Variants in TCF20 observed in about 807,000 individuals in gnomAD.
TCF20 encodes the protein transcription factor 20, also known as SPRE-binding protein.
TCF20 carries 3 observed loss-of-function variants against 148.6 expected under a neutral mutation model. The observed-to-expected ratio is 0.02, with a 90% CI of 0.01 to 0.05. The LOEUF is 0.05. TCF20 is among the 10% of genes least tolerant of loss of function. The pLI is 1.00. For missense variants in TCF20, 2,350 were observed against 2,429.3 expected, an observed-to-expected ratio of 0.97 and a Z score of 0.69; for synonymous variants, 1,049 against 909.5, an observed-to-expected ratio of 1.15 and a Z score of -2.76.
intron 5 of TCF20, among the ~76,000 whole-genome samples, chr22:42,164,304 T>A (rs908154422): frequency 6.7e-6 from 1 of 148,322 alleles, no homozygotes; most frequent in Admixed American, 6.9e-5. Context: ...AAGCTCCACG[T>A]CCCGGGTTCA....
intron 1 of TCF20, chr22:42,269,866 G>C (rs1926501953): frequency 6.6e-6 from 1 of 152,256 alleles, no homozygotes; most frequent in Non-Finnish European, 1.5e-5. Context: ...CCCACATCCC[G>C]GCCCAGCCCC....
chr22:42,231,861 G>A (rs1031167462), intron 1 of TCF20, among the ~76,000 whole-genome samples: 3 of 147,878 alleles, frequency 2.0e-5, no homozygotes, highest in Non-Finnish European at 4.5e-5. Flanking sequence ...CCCGGGAGGC[G>A]GAGCTTGCAG....
In TCF20 at chr22:42,214,695, C is replaced by T; in HGVS notation, c.611G>A (p.Ser204Asn). 6.2e-7 allele frequency: 1 copy of T among 1,614,132 alleles called. No homozygotes were observed. The highest frequency in any genetic ancestry group is 8.5e-7 in the Non-Finnish European group (1 of 1,180,030). ...LPQATGQPASSSSHLQPMQRP... is the reference protein window; with the variant it reads ...LPQATGQPASNSSHLQPMQRP... ...CTGCATTGGCTGTAGATGGGATGAG[C>T]TGGATGCTGGTTGGCCAGTGGCCTG... Residue 204 changes from serine to asparagine, a missense_variant, in exon 2 of 6, where the codon AGC becomes AAC. Ser to Asn is a conservative substitution (Grantham distance 46). Coordinates refer to ENST00000677622, the MANE Select transcript of TCF20 (RefSeq NM_001378418.1).
In TCF20 at chr22:42,239,990, T is replaced by C. The variant is rs1390827337; in HGVS notation, c.-36-24649A>G. ...ACAATATCTGTGAAGTACAATAAAGTAGAATGCAATAAAATGAGGTATCCC... is the reference window on the plus strand; with the variant it reads ...ACAATATCTGTGAAGTACAATAAAGCAGAATGCAATAAAATGAGGTATCCC... On this transcript the variant is annotated intron_variant, in intron 1 of 5. Coordinates refer to ENST00000677622, the MANE Select transcript of TCF20 (RefSeq NM_001378418.1). Among the ~76,000 whole-genome samples the C allele has an allele frequency of 2.0e-5, 3 of 151,960 alleles. No homozygotes were observed. In the East Asian group the frequency reaches 5.8e-4, roughly 29 times the overall value.
chr22:42,286,894 G>A (rs898661338), upstream of TCF20, among the ~76,000 whole-genome samples: 4 of 152,164 alleles, frequency 2.6e-5, no homozygotes, highest in Non-Finnish European at 5.9e-5. Flanking sequence ...GAGGACGTGT[G>A]CACAATTATT....
chr22:42,268,641 G>C (rs904087974), intron 1 of TCF20, among the ~76,000 whole-genome samples: 3 of 152,184 alleles, frequency 2.0e-5, no homozygotes, highest in African/African-American at 7.2e-5. Flanking sequence ...ACTCCTCTGA[G>C]CCAACATACA....
At chr22:42,178,079 C>T (rs1482078302) in intron 3 of TCF20, among the ~76,000 whole-genome samples, 1 of 152,178 alleles carries the variant, frequency 6.6e-6, no homozygotes, top group East Asian at 1.9e-4. Flanking sequence ...CCGTGAACTA[C>T]TGGATTCAGA....
At chr22:42,269,194 T>G (rs745954234) in intron 1 of TCF20, among the ~76,000 whole-genome samples, 7 of 152,306 alleles carry the variant, frequency 4.6e-5, no homozygotes, top group Non-Finnish European at 1.0e-4. Context: ...TCACTGAGGC[T>G]GTTAACATAA....
At chr22:42,244,952 G>A (rs1013409046) in intron 1 of TCF20, among the ~76,000 whole-genome samples, 2 of 151,970 alleles carry the variant, frequency 1.3e-5, no homozygotes, top group African/African-American at 2.4e-5. Context: ...GCATGGTGGT[G>A]CGCACCTGTA....
intron 1 of TCF20, among the ~76,000 whole-genome samples, chr22:42,303,518 C>G (rs966032529): frequency 6.6e-6 from 1 of 152,248 alleles, no homozygotes; most frequent in Admixed American, 6.5e-5. Context: ...CGTTTTCCAG[C>G]CGAGGGCATG....
intron 2 of TCF20, among the ~76,000 whole-genome samples, chr22:42,202,928 T>TA (rs1938136362): frequency 6.6e-6 from 1 of 152,218 alleles, no homozygotes; most frequent in Admixed American, 6.5e-5. Flanking sequence ...GACAGGAGTT[T>TA]AACTTCACAT....
chr22:42,243,090 T>C (rs1355035420), intron 1 of TCF20, among the ~76,000 whole-genome samples: 1 of 151,712 alleles, frequency 6.6e-6, no homozygotes, highest in African/African-American at 2.4e-5. Flanking sequence ...ACTCCTGGGA[T>C]AGTGAAACAA....
chr22:42,215,397 T>C (rs1180763833), intron 1 of TCF20, 56 bp from the exon 2 acceptor site: 6 of 1,502,512 alleles, frequency 4.0e-6, no homozygotes, highest in Non-Finnish European at 4.4e-6. Context: ...ACAAATAAAA[T>C]CAAGTCTAGA....
chr22:42,180,012 C>A (rs1407914475), intron 2 of TCF20, among the ~76,000 whole-genome samples: 1 of 152,134 alleles, frequency 6.6e-6, no homozygotes, highest in Non-Finnish European at 1.5e-5. Context: ...CTGGTACCCC[C>A]GCCATCCACC....
chr22:42,294,817 A>G (rs1927201457), intron 1 of TCF20, among the ~76,000 whole-genome samples: 1 of 152,230 alleles, frequency 6.6e-6, no homozygotes. Flanking sequence ...CAGCAGGTGC[A>G]GGCGGAGTGC....
intron 1 of TCF20, among the ~76,000 whole-genome samples, chr22:42,342,779 T>G (rs1401547589): frequency 6.6e-6 from 1 of 152,192 alleles, no homozygotes; most frequent in East Asian, 1.9e-4. Context: ...CCCTGGACCC[T>G]CCCCATTTCC....
At chr22:42,318,458 G>A (rs964350634) in intron 1 of TCF20, among the ~76,000 whole-genome samples, 22 of 152,172 alleles carry the variant, frequency 1.4e-4, no homozygotes, top group African/African-American at 1.2e-4. Flanking sequence ...GCGGCGCAGC[G>A]GAACGGTAAA....
rs965178022 is a variant in TCF20 at position 42,211,092 on chromosome 22, A to G, written c.4214T>C (p.Ile1405Thr). ...AGCCACCTCACCTTTTCTCTTCTCT[A>G]TGTCAGCATCCTGAACAGCAACACT... Reference protein sequence around the residue: ...GGSVAVQDADIEKRKGEVASD... With the variant: ...GGSVAVQDADTEKRKGEVASD... The change falls in exon 2 of 6, where the codon ATA becomes ACA. Residue 1405 changes from isoleucine (I) to threonine (T), a missense_variant. Physicochemically the swap from Ile to Thr is moderately conservative, Grantham distance 89. Around this residue, in one of 7 missense-constraint regions of TCF20, gnomAD observed 231 missense variants for 213.7 expected, o/e 1.08. Transcript: ENST00000677622. 1.2e-6 allele frequency: 2 copies of G among 1,613,910 alleles called. No homozygotes were observed. Among genetic ancestry groups the G allele is most frequent in the African/African-American group, 1.3e-5 (1 of 74,832 alleles).
At chr22:42,199,916 T>G (rs936800081) in intron 2 of TCF20, among the ~76,000 whole-genome samples, 2 of 151,706 alleles carry the variant, frequency 1.3e-5, no homozygotes, top group African/African-American at 4.8e-5. Flanking sequence ...TAGGAATAAT[T>G]ATGATGATAG....
Sources: gnomAD v4.1 joint callset for allele counts (sites outside exome capture counted in the v4.1 genomes callset) on GRCh38, gnomAD v4.1.1 for gene constraint, gnomAD v4.1.1 regional missense constraint, MANE v1.5 for transcripts, NCBI Gene and HGNC (gene_info 2026-07-23, HGNC 2026-07-21) for gene names.